Variants in ARHGAP39 observed in about 807,000 individuals in gnomAD.
The protein encoded by ARHGAP39 is rho GTPase-activating protein 39.
Under a neutral mutation model 106.9 loss-of-function variants are expected in ARHGAP39, and 44 were observed. The ratio of observed to expected loss-of-function variants is 0.41; its 90% CI spans 0.32 to 0.53. The LOEUF is 0.53. ARHGAP39 is among the 20% of genes least tolerant of loss of function. The probability of loss-of-function intolerance (pLI) is 0.21; values close to 1 mark genes in which losing one functional copy is unlikely to be tolerated. For missense variants in ARHGAP39, 1,496 were observed against 1,577.3 expected, an observed-to-expected ratio of 0.95 and a Z score of 0.87; for synonymous variants, 768 against 693.2, an observed-to-expected ratio of 1.11 and a Z score of -1.69.
rs1819192238 is a variant in ARHGAP39 at position 144,586,563 on chromosome 8, G to A, written c.81-5286C>T. The A allele has an allele frequency of 6.6e-6, 1 of 152,324 alleles. No individual in the cohort carries two copies. Among genetic ancestry groups the A allele is most frequent in the African/African-American group, 2.4e-5 (1 of 41,470 alleles). 9.4% of individuals were successfully genotyped at this position (152,324 alleles called of 1,614,324 possible). A position where few individuals can be genotyped will look rare whatever the true frequency, so the allele number is the denominator to read the frequency against. On this transcript the variant is annotated intron_variant, in intron 2 of 11. Coordinates refer to ENST00000377307, the MANE Select transcript of ARHGAP39 (RefSeq NM_025251.3). The surrounding 1 kb of genome is among the most constrained non-coding windows in gnomAD (Gnocchi z 4.2). ...AGTCCCAGGCTCCCCTGAGCCATTA[G>A]TGACAGCCTCAGGAGCAGCCTCGGA...
chr8:144,561,349 T>G (rs1372128814), intron 3 of ARHGAP39, among the ~76,000 whole-genome samples: 1 of 151,844 alleles, frequency 6.6e-6, no homozygotes, highest in Non-Finnish European at 1.5e-5. Context: ...CACATCCCAG[T>G]GGTTTCCATC....
At chr8:144,576,197 G>A (rs1586570042) in intron 3 of ARHGAP39, among the ~76,000 whole-genome samples, 1 of 151,970 alleles carries the variant, frequency 6.6e-6, no homozygotes, top group Admixed American at 6.6e-5. Flanking sequence ...GCCAGGTGTG[G>A]TGGTGGGCGC....
intron 1 of ARHGAP39, among the ~76,000 whole-genome samples, chr8:144,632,454 A>G (rs1218150332): frequency 6.6e-6 from 1 of 152,214 alleles, no homozygotes; most frequent in Non-Finnish European, 1.5e-5. Context: ...TGGTGGCCTC[A>G]GCGTGCACGA....
At chr8:144,688,139 T>C (rs1822670965), upstream of ARHGAP39, among the ~76,000 whole-genome samples, 1 of 151,484 alleles carries the variant, frequency 6.6e-6, no homozygotes, top group Non-Finnish European at 1.5e-5. Flanking sequence ...AGTCTTGCTG[T>C]GTCACCTAGG....
chr8:144,610,666 C>T (rs929404638), intron 1 of ARHGAP39, among the ~76,000 whole-genome samples: 2 of 151,662 alleles, frequency 1.3e-5, no homozygotes, highest in African/African-American at 4.9e-5. Flanking sequence ...GAGCTGAGAT[C>T]GTGCCACTGC....
intron 1 of ARHGAP39, among the ~76,000 whole-genome samples, chr8:144,676,452 TA>T (rs1753365977): frequency 1.6e-5 from 2 of 125,798 alleles, no homozygotes; most frequent in African/African-American, 9.3e-5. Flanking sequence ...AACCTTGAGC[TA>T]GACACACGTG....
the ARHGAP39 span, among the ~76,000 whole-genome samples, chr8:144,694,583 T>C: frequency 1.3e-5 from 2 of 152,228 alleles, no homozygotes; most frequent in Non-Finnish European, 2.9e-5. Flanking sequence ...AGTTGTGCGG[T>C]AGTAACAACT....
At chr8:144,638,784 C>G (rs1443319705) in intron 1 of ARHGAP39, among the ~76,000 whole-genome samples, 1 of 152,202 alleles carries the variant, frequency 6.6e-6, no homozygotes, top group African/African-American at 2.4e-5. Context: ...GAATCCTTAG[C>G]TTCCCTCACT....
intron 2 of ARHGAP39, among the ~76,000 whole-genome samples, chr8:144,601,132 G>A (rs1163527865): frequency 1.4e-5 from 2 of 146,016 alleles, no homozygotes; most frequent in Non-Finnish European, 3.0e-5. Context: ...GTGCATGGAG[G>A]CGTGCATGTG....
Position 144,684,949 on chromosome 8 carries a change from C to G in ARHGAP39, c.-82+737G>C, listed in dbSNP as rs1248561951. 6.6e-6 allele frequency among the ~76,000 whole-genome samples: 1 copy of G among 152,224 alleles called. No individual in the cohort carries two copies. The highest frequency in any genetic ancestry group is 1.9e-4 in the East Asian group (1 of 5,190). On this transcript the variant is annotated intron_variant, in intron 1 of 11. Transcript: ENST00000377307. This position sits in a 1 kb window ranked among gnomAD's most constrained non-coding sequence, Gnocchi z 4.4. ...CACCGCAGCGCACCGCAGCCCTGCACCCGGGCCGCCCTTCAGGACGCGGGC... is the reference window on the plus strand; with the variant it reads ...CACCGCAGCGCACCGCAGCCCTGCAGCCGGGCCGCCCTTCAGGACGCGGGC...
At chr8:144,597,903 A>G (rs1036215411) in intron 2 of ARHGAP39, among the ~76,000 whole-genome samples, 3 of 152,220 alleles carry the variant, frequency 2.0e-5, no homozygotes, top group Non-Finnish European at 4.4e-5. Context: ...CGGAACAGAC[A>G]GGGATGCGTC....
chr8:144,615,643 G>C (rs1820616563), intron 1 of ARHGAP39, among the ~76,000 whole-genome samples: 1 of 152,214 alleles, frequency 6.6e-6, no homozygotes, highest in African/African-American at 2.4e-5. Flanking sequence ...TTTCAAGAAG[G>C]AAAGCAGAAT....
intron 3 of ARHGAP39, among the ~76,000 whole-genome samples, chr8:144,564,215 A>T (rs1293367035): frequency 6.6e-6 from 1 of 152,260 alleles, no homozygotes; most frequent in Non-Finnish European, 1.5e-5. Flanking sequence ...TGTCATCACA[A>T]ATAACAAGAG....
chr8:144,660,449 C>A (rs1244219672), intron 1 of ARHGAP39, among the ~76,000 whole-genome samples: 1 of 152,198 alleles, frequency 6.6e-6, no homozygotes, highest in Non-Finnish European at 1.5e-5. Flanking sequence ...AAGGGACAAT[C>A]CTTGCATGAG....
At chr8:144,597,768 AAGGC>A (rs1300967935) in intron 2 of ARHGAP39, among the ~76,000 whole-genome samples, 1 of 152,208 alleles carries the variant, frequency 6.6e-6, no homozygotes, top group African/African-American at 2.4e-5. Context: ...AGGAAGAGAA[AAGGC>A]AGGTGGACAG....
At chr8:144,580,763 GCCCACCACCCCCTACCT>G in intron 3 of ARHGAP39, 66 bp downstream of exon 3, 2 of 81,088 alleles carry the variant, frequency 2.5e-5, no homozygotes, top group Non-Finnish European at 4.3e-5. Flanking sequence ...ACCTGGCCCC[GCCCACCACCCCCTACCT>G]GCCTCACCTG....
chr8:144,659,588 T>C (rs77730050), intron 1 of ARHGAP39, among the ~76,000 whole-genome samples: 4,155 of 152,258 alleles, frequency 0.027, 253 homozygotes, highest in East Asian at 0.24. Context: ...AAGTTCAAGC[T>C]TAATTGGAGG....
chr8:144,574,198 A>C (rs962113717), intron 3 of ARHGAP39, among the ~76,000 whole-genome samples: 4 of 148,966 alleles, frequency 2.7e-5, no homozygotes, highest in African/African-American at 9.9e-5. Flanking sequence ...GAGGAGGAGG[A>C]GGAGGGGGAA....
At chr8:144,633,428 C>T (rs2130981124) in intron 1 of ARHGAP39, among the ~76,000 whole-genome samples, 1 of 152,116 alleles carries the variant, frequency 6.6e-6, no homozygotes, top group South Asian at 2.1e-4. Context: ...CACTGCACTC[C>T]AGCCTGGTGA....
Sources: allele counts gnomAD v4.1 joint callset (sites outside exome capture counted in the v4.1 genomes callset), GRCh38; gene constraint gnomAD v4.1.1; non-coding constraint Gnocchi (gnomAD v3.1); transcripts MANE v1.5; gene names NCBI Gene and HGNC (gene_info 2026-07-23, HGNC 2026-07-21).